The following TMTC2 variants were observed in gnomAD, a reference collection of about 807,000 sequenced individuals.
TMTC2 encodes the protein protein O-mannosyl-transferase TMTC2.
A neutral mutation model predicts 82.4 loss-of-function variants in TMTC2; 43 were observed. That is an observed-to-expected ratio of 0.52 (90% confidence interval 0.41 to 0.67). TMTC2 has a LOEUF of 0.67. Ranked by LOEUF, TMTC2 falls within the 30% of genes least tolerant of loss-of-function variation. TMTC2 has a pLI of 0.00. For missense variants in TMTC2, 919 were observed against 1,012.4 expected (o/e 0.91, Z 1.25); for synonymous variants, 408 against 381.9 (o/e 1.07, Z -0.80).
chr12:83,065,791 G>C (rs1042427393), intron 11 of TMTC2, among the ~76,000 whole-genome samples: 1 of 151,810 alleles, frequency 6.6e-6, no homozygotes, highest in Non-Finnish European at 1.5e-5. Context: ...TTCTTCCTGT[G>C]GGAATTAAGC....
At chr12:83,054,300 T>C (rs1319357129) in intron 10 of TMTC2, among the ~76,000 whole-genome samples, 2 of 152,128 alleles carry the variant, frequency 1.3e-5, no homozygotes, top group East Asian at 1.9e-4. Context: ...TAAGTAGAAA[T>C]AGGAACATTA....
At chr12:83,053,424 A>G (rs977116088) in intron 10 of TMTC2, among the ~76,000 whole-genome samples, 1 of 152,120 alleles carries the variant, frequency 6.6e-6, no homozygotes, top group Admixed American at 6.6e-5. Flanking sequence ...TTATAGTTCA[A>G]GAAAAGGTTT....
At chr12:82,939,373 A>T (rs1217009317) in intron 4 of TMTC2, among the ~76,000 whole-genome samples, 1 of 152,116 alleles carries the variant, frequency 6.6e-6, no homozygotes, top group African/African-American at 2.4e-5. Flanking sequence ...ATAGAAAAAA[A>T]TCCCTAAGTT....
intron 1 of TMTC2, among the ~76,000 whole-genome samples, chr12:82,698,847 A>G (rs1439143387): frequency 1.3e-5 from 2 of 152,196 alleles, no homozygotes; most frequent in Non-Finnish European, 2.9e-5. Flanking sequence ...ACCGAGAGCT[A>G]TTAAGTGATG....
intron 1 of TMTC2, among the ~76,000 whole-genome samples, chr12:82,781,702 G>A (rs994070458): frequency 7.9e-6 from 1 of 126,206 alleles, no homozygotes; most frequent in African/African-American, 3.0e-5. Flanking sequence ...TATTATTATT[G>A]TTTTTTTTTT....
At chr12:82,965,220 C>T (rs1051165592) in intron 5 of TMTC2, 111 bp downstream of exon 5, 7 of 772,372 alleles carry the variant, frequency 9.1e-6, no homozygotes, top group African/African-American at 3.5e-5. Context: ...TCTGAATACT[C>T]GCTAATCAGA....
chr12:83,003,066 G>C (rs1879999000), intron 8 of TMTC2, among the ~76,000 whole-genome samples: 1 of 152,016 alleles, frequency 6.6e-6, no homozygotes. Context: ...TTTCATCACT[G>C]CAGAAGAACT....
chr12:82,728,080 T>G (rs924345116), intron 1 of TMTC2, among the ~76,000 whole-genome samples: 8 of 152,100 alleles, frequency 5.3e-5, no homozygotes, highest in Non-Finnish European at 1.0e-4. Context: ...CCAGGCAGTT[T>G]CAAGCATTTG....
At chr12:82,804,326 A>G (rs1397662126) in intron 1 of TMTC2, among the ~76,000 whole-genome samples, 2 of 152,144 alleles carry the variant, frequency 1.3e-5, no homozygotes, top group East Asian at 1.9e-4. Context: ...TAAGGCATCT[A>G]TAAGTGTTCA....
intron 1 of TMTC2, among the ~76,000 whole-genome samples, chr12:82,783,217 C>A (rs908792211): frequency 6.7e-6 from 1 of 149,994 alleles, no homozygotes; most frequent in Non-Finnish European, 1.5e-5. Flanking sequence ...AGAAGATAAA[C>A]CTATTTTTGT....
At chr12:82,744,264 A>C (rs1032420191) in intron 1 of TMTC2, among the ~76,000 whole-genome samples, 2 of 152,182 alleles carry the variant, frequency 1.3e-5, no homozygotes, top group Non-Finnish European at 1.5e-5. Context: ...TCTCTATTAA[A>C]AGTACAAAAA....
chr12:82,767,568 G>T (rs115279467), intron 1 of TMTC2, among the ~76,000 whole-genome samples: 2,798 of 152,190 alleles, frequency 0.018, 70 homozygotes, highest in African/African-American at 0.064. Flanking sequence ...CTTGGGCATG[G>T]AGTGAGACTC....
At chr12:83,122,764 G>C (rs1884994261) in intron 11 of TMTC2, among the ~76,000 whole-genome samples, 1 of 152,034 alleles carries the variant, frequency 6.6e-6, no homozygotes, top group Non-Finnish European at 1.5e-5. Context: ...AGTTGTTCTG[G>C]AGCAAAAATT....
At chr12:83,129,404 T>C (rs1367287608) in intron 11 of TMTC2, among the ~76,000 whole-genome samples, 1 of 152,202 alleles carries the variant, frequency 6.6e-6, no homozygotes, top group African/African-American at 2.4e-5. Context: ...CATTTAGAAC[T>C]CATTCATCAG....
At chr12:83,060,383 C>A (rs1882696530) in intron 10 of TMTC2, among the ~76,000 whole-genome samples, 1 of 151,706 alleles carries the variant, frequency 6.6e-6, no homozygotes, top group Non-Finnish European at 1.5e-5. Flanking sequence ...AGTACAAATT[C>A]ACTTTTATAG....
chr12:82,945,017 G>A (rs1876923494), intron 4 of TMTC2, among the ~76,000 whole-genome samples: 1 of 152,166 alleles, frequency 6.6e-6, no homozygotes, highest in African/African-American at 2.4e-5. Flanking sequence ...TACCTCCTTA[G>A]TTCTTAAATG....
chr12:82,846,899 G>A (rs532571595), intron 1 of TMTC2, among the ~76,000 whole-genome samples: 54 of 152,122 alleles, frequency 3.5e-4, no homozygotes, highest in Non-Finnish European at 2.5e-4. Context: ...AGCAAATTTG[G>A]AAAAGTGTTA....
At chr12:82,924,882 C>T (rs1020008991) in intron 3 of TMTC2, among the ~76,000 whole-genome samples, 1 of 151,888 alleles carries the variant, frequency 6.6e-6, no homozygotes, top group Admixed American at 6.6e-5. Context: ...CCCCAAATAT[C>T]GCACATAAAA....
intron 11 of TMTC2, among the ~76,000 whole-genome samples, chr12:83,126,590 G>T (rs1885104635): frequency 6.6e-6 from 1 of 152,054 alleles, no homozygotes; most frequent in Non-Finnish European, 1.5e-5. Context: ...GACAAAAGGG[G>T]TAGGATAAAA....
Sources: allele counts gnomAD v4.1 joint callset (sites outside exome capture counted in the v4.1 genomes callset), GRCh38; gene constraint gnomAD v4.1.1; transcripts MANE v1.5; gene names NCBI Gene and HGNC (gene_info 2026-07-23, HGNC 2026-07-21).